Variants in ARHGAP42 observed in about 807,000 individuals in gnomAD.
ARHGAP42 encodes rho GTPase-activating protein 42.
A neutral mutation model predicts 125.0 loss-of-function variants in ARHGAP42; 63 were observed. The observed-to-expected ratio is 0.50, with a 90% CI of 0.41 to 0.62. The LOEUF is 0.62. Ranked by LOEUF, ARHGAP42 falls within the 20% of genes least tolerant of loss-of-function variation. ARHGAP42 has a pLI of 0.00. For missense variants in ARHGAP42, 766 were observed against 1,024.2 expected, an observed-to-expected ratio of 0.75 and a Z score of 3.44; for synonymous variants, 339 against 351.0, an observed-to-expected ratio of 0.97 and a Z score of 0.38.
chr11:100,799,688 A>G lies in ARHGAP42; in HGVS notation c.312+4522A>G, dbSNP rs541832044. Among the ~76,000 whole-genome samples the G allele has an allele frequency of 1.2e-4, 19 of 152,360 alleles. No individual in the cohort carries two copies. In the South Asian group the frequency reaches 1.9e-3, roughly 15 times the overall value. ...CTTGTGTAAATAGTTCAGGAAAGCA[A>G]TAAACTAAGTACCATAGTTATAATT... On this transcript the variant is annotated intron_variant, in intron 3 of 23. Coordinates refer to ENST00000298815, the MANE Select transcript of ARHGAP42 (RefSeq NM_152432.4).
chr11:100,900,025 G>A (rs774152539), intron 4 of ARHGAP42, among the ~76,000 whole-genome samples: 4 of 152,152 alleles, frequency 2.6e-5, no homozygotes, highest in Non-Finnish European at 5.9e-5. Flanking sequence ...AATTTGGCAT[G>A]TTTTTGGAGT....
intron 1 of ARHGAP42, among the ~76,000 whole-genome samples, chr11:100,726,033 G>A (rs1237097218): frequency 1.3e-5 from 2 of 148,776 alleles, no homozygotes; most frequent in Non-Finnish European, 3.0e-5. Flanking sequence ...TGAAGTTCAA[G>A]GTTGCAGTGA....
intron 2 of ARHGAP42, among the ~76,000 whole-genome samples, chr11:100,781,933 A>ATTT (rs5794067): frequency 6.9e-4 from 99 of 144,290 alleles, no homozygotes; most frequent in African/African-American, 2.3e-3. Context: ...CCACCACGAG[A>ATTT]TTTTTTTTTT....
At chr11:100,707,098 C>T (rs923939484) in intron 1 of ARHGAP42, among the ~76,000 whole-genome samples, 2 of 152,166 alleles carry the variant, frequency 1.3e-5, no homozygotes, top group Non-Finnish European at 2.9e-5. Context: ...TTTTTATTGA[C>T]AAATGTTTTT....
intron 7 of ARHGAP42, among the ~76,000 whole-genome samples, chr11:100,933,922 G>A (rs1229633077): frequency 1.3e-5 from 2 of 151,960 alleles, no homozygotes; most frequent in East Asian, 1.9e-4. Context: ...CAAATAGCTG[G>A]GATTACAGGC....
rs61998231 is a variant in ARHGAP42, at chr11:100,973,305, G to A, written c.1681G>A (p.Val561Ile). The A allele has an allele frequency of 1.5e-3, 2,257 of 1,550,748 alleles. 30 individuals carry two copies. In the African/African-American group the frequency reaches 0.028, roughly 19 times the overall value. The change falls in exon 18 of 24, where the codon GTA becomes ATA. Residue 561 changes from valine (V) to isoleucine (I), a missense_variant. Val to Ile is a conservative substitution (Grantham distance 29). Around this residue, in one of 3 missense-constraint regions of ARHGAP42, gnomAD observed 308 missense variants for 369.7 expected, o/e 0.83. Coordinates refer to ENST00000298815, the MANE Select transcript of ARHGAP42 (RefSeq NM_152432.4). ...GAATATTAAATTTCAGAATATTGTG[G>A]TAGAAATTCTGATAGAGCACTATGA... ...MMNIKFQNIV[V>I]EILIEHYEKI... is the part of the protein sequence containing the mutation.
intron 12 of ARHGAP42, 171 bp from the exon 13 acceptor site, chr11:100,959,712 C>G: frequency 1.7e-6 from 1 of 603,550 alleles, no homozygotes; most frequent in East Asian, 2.8e-5. Context: ...GGTGAAGTTC[C>G]CTCCTCTACT....
chr11:100,901,195 C>A (rs1866535864), intron 4 of ARHGAP42, among the ~76,000 whole-genome samples: 1 of 152,204 alleles, frequency 6.6e-6, no homozygotes. Flanking sequence ...ACTCCAGACC[C>A]TGTTTGCCTG....
chr11:100,710,923 G>T (rs1484124680), intron 1 of ARHGAP42, among the ~76,000 whole-genome samples: 1 of 152,158 alleles, frequency 6.6e-6, no homozygotes, highest in Non-Finnish European at 1.5e-5. Flanking sequence ...CAACCCTGTG[G>T]TGCCACACCC....
chr11:100,773,158 A>G (rs1863022527), intron 2 of ARHGAP42, among the ~76,000 whole-genome samples: 1 of 152,206 alleles, frequency 6.6e-6, no homozygotes, highest in Admixed American at 6.5e-5. Context: ...ATATTAAGCT[A>G]TAAATTCCAT....
intron 4 of ARHGAP42, among the ~76,000 whole-genome samples, chr11:100,884,768 C>T (rs949949736): frequency 4.6e-5 from 7 of 152,080 alleles, no homozygotes; most frequent in African/African-American, 9.7e-5. Flanking sequence ...ATTTATCATT[C>T]GTATTTCAGA....
Position 100,827,890 on chromosome 11 carries a change from C to G in ARHGAP42, c.313-31664C>G, listed in dbSNP as rs184010043. Among the ~76,000 whole-genome samples the G allele has an allele frequency of 5.3e-4, 81 of 152,282 alleles. 1 individual carries two copies. In the East Asian group the frequency reaches 0.011, roughly 21 times the overall value. ...AGGAGATGTGTGGAAGAGAAAAAGT[C>G]AACTAGAATCTACCCTTTACAAAAC... is the stretch of plus-strand genomic sequence containing the variant. On this transcript the variant is annotated intron_variant, in intron 3 of 23. Coordinates refer to ENST00000298815, the MANE Select transcript of ARHGAP42 (RefSeq NM_152432.4).
At position 100,897,855 on chromosome 11, in the gene ARHGAP42, C is replaced by T. The variant is rs181047730; in HGVS notation, c.385-15597C>T. 8.2e-3 allele frequency among the ~76,000 whole-genome samples: 1,250 copies of T among 152,052 alleles called. 21 individuals are homozygous for T. Among genetic ancestry groups the T allele is most frequent in the African/African-American group, 0.026 (1,096 of 41,494 alleles). On this transcript the variant is annotated intron_variant, in intron 4 of 23. Coordinates refer to ENST00000298815, the MANE Select transcript of ARHGAP42 (RefSeq NM_152432.4). Reference sequence around the variant, plus strand: ...ATTTCTTTCTCTTGCCTGATTGCCCCGGCCAGAACTTCCAACACTATGTTG... The same window carrying T: ...ATTTCTTTCTCTTGCCTGATTGCCCTGGCCAGAACTTCCAACACTATGTTG...
rs1858801614 is a variant in ARHGAP42, at chr11:100,990,373, T to A, written c.*1572T>A. 6.6e-6 allele frequency: 1 copy of A among 152,104 alleles called. No individual in the cohort carries two copies. The highest frequency in any genetic ancestry group is 2.4e-5 in the African/African-American group (1 of 41,434). The allele number at this position is 152,104 out of a possible 1,614,324, so 9.4% of individuals were successfully genotyped here. ...AATTAATGTTTCTAGAATTAATAGG[T>A]TAAATACACATACACACACACAACT... On this transcript the variant is annotated 3_prime_UTR_variant, in exon 24 of 24. Coordinates refer to ENST00000298815, the MANE Select transcript of ARHGAP42 (RefSeq NM_152432.4).
chr11:100,729,382 G>A (rs1295767948), intron 1 of ARHGAP42, among the ~76,000 whole-genome samples: 1 of 151,962 alleles, frequency 6.6e-6, no homozygotes, highest in African/African-American at 2.4e-5. Context: ...TCACAAAGTT[G>A]AAAATTAAAG....
chr11:100,756,908 T>A (rs1253403356), intron 1 of ARHGAP42, among the ~76,000 whole-genome samples: 2 of 152,236 alleles, frequency 1.3e-5, no homozygotes, highest in Admixed American at 1.3e-4. Context: ...TTGTGCTTAG[T>A]TTTTAGAATA....
At chr11:100,801,128 G>A (rs1333758905) in intron 3 of ARHGAP42, among the ~76,000 whole-genome samples, 2 of 152,192 alleles carry the variant, frequency 1.3e-5, no homozygotes, top group Middle Eastern at 3.4e-3. Context: ...TTTGGATTTT[G>A]GGACATTCCG....
intron 2 of ARHGAP42, among the ~76,000 whole-genome samples, chr11:100,775,227 T>C (rs1209228327): frequency 1.3e-5 from 2 of 152,166 alleles, no homozygotes; most frequent in Admixed American, 1.3e-4. Flanking sequence ...TATTTGGCTT[T>C]GGTGTTTTGA....
Position 100,990,780 on chromosome 11 carries a change from C to T in ARHGAP42, c.*1979C>T, listed in dbSNP as rs1470171498. 6.6e-6 allele frequency: 1 copy of T among 152,562 alleles called. No homozygotes were observed. The highest frequency in any genetic ancestry group is 1.9e-4 in the East Asian group (1 of 5,192). 9.5% of individuals were successfully genotyped at this position (152,562 alleles called of 1,614,324 possible). Reference sequence around the variant, plus strand: ...CCCTTGGTTTAAGCACACTTGCCATCATCTGGTATCCTGCTAGACTAGAAT... The same window carrying T: ...CCCTTGGTTTAAGCACACTTGCCATTATCTGGTATCCTGCTAGACTAGAAT... On this transcript the variant is annotated 3_prime_UTR_variant, in exon 24 of 24. Transcript: ENST00000298815.
Sources: gnomAD v4.1 joint callset for allele counts (sites outside exome capture counted in the v4.1 genomes callset) on GRCh38, gnomAD v4.1.1 for gene constraint, gnomAD v4.1.1 regional missense constraint, MANE v1.5 for transcripts, NCBI Gene and HGNC (gene_info 2026-07-23, HGNC 2026-07-21) for gene names.